SAMSN1: variants seen among roughly 807,000 people sequenced by gnomAD.
SAMSN1 encodes SAM domain-containing protein SAMSN-1.
SAMSN1 carries 31 observed loss-of-function variants against 42.0 expected under a neutral mutation model. The ratio of observed to expected loss-of-function variants is 0.74; its 90% CI spans 0.55 to 1.00. SAMSN1 has a LOEUF of 1.00. Ranked by LOEUF, SAMSN1 falls within the 50% of genes least tolerant of loss-of-function variation. The probability of loss-of-function intolerance (pLI) is 0.00; values close to 1 mark genes in which losing one functional copy is unlikely to be tolerated. For missense variants in SAMSN1, 464 were observed against 439.4 expected (o/e 1.06, Z -0.50); for synonymous variants, 178 against 151.9 (o/e 1.17, Z -1.26).
intron 2 of SAMSN1, among the ~76,000 whole-genome samples, chr21:14,621,896 C>T (rs1293806904): frequency 6.6e-6 from 1 of 152,202 alleles, no homozygotes; most frequent in Admixed American, 6.5e-5. Context: ...ACTGACACCC[C>T]ACATGGCTGG....
chr21:14,620,483 A>G (rs1255052023), intron 2 of SAMSN1, among the ~76,000 whole-genome samples: 1 of 151,690 alleles, frequency 6.6e-6, no homozygotes, highest in Non-Finnish European at 1.5e-5. Context: ...AGTCCATTAA[A>G]CCTCTTTCCT....
intron 2 of SAMSN1, among the ~76,000 whole-genome samples, chr21:14,553,971 G>A (rs1029317540): frequency 6.6e-6 from 1 of 151,968 alleles, no homozygotes; most frequent in Non-Finnish European, 1.5e-5. Context: ...ATCTGGAAAC[G>A]GATTAGTCCA....
chr21:14,515,644 A>G (rs1987881233), intron 3 of SAMSN1, among the ~76,000 whole-genome samples: 1 of 152,224 alleles, frequency 6.6e-6, no homozygotes, highest in Admixed American at 6.5e-5. Context: ...TAATTGGACT[A>G]CAATAAAATT....
At chr21:14,523,262 G>T (rs1409975255) in intron 1 of SAMSN1, 1 of 152,156 alleles carries the variant, frequency 6.6e-6, no homozygotes, top group Non-Finnish European at 1.5e-5. Context: ...GAAATAAAAA[G>T]ATCCTGACCT....
At chr21:14,649,772 AACACACACACAC>A (rs60905314) in intron 1 of SAMSN1, among the ~76,000 whole-genome samples, 14 of 135,644 alleles carry the variant, frequency 1.0e-4, no homozygotes, top group South Asian at 6.9e-4. Flanking sequence ...ACTGTCTCAA[AACACACACACAC>A]ACACACACAC....
intron 2 of SAMSN1, among the ~76,000 whole-genome samples, chr21:14,580,965 C>T (rs1981691125): frequency 6.6e-6 from 1 of 152,006 alleles, no homozygotes; most frequent in African/African-American, 2.4e-5. Flanking sequence ...AAAAAAGTAC[C>T]ACTCTTAAGT....
chr21:14,613,561 A>G (rs1053894523), intron 3 of SAMSN1, among the ~76,000 whole-genome samples: 1 of 152,130 alleles, frequency 6.6e-6, no homozygotes, highest in African/African-American at 2.4e-5. Flanking sequence ...CATTTTTTCA[A>G]ACTCAAAATT....
intron 1 of SAMSN1, chr21:14,523,512 A>C (rs889690586): frequency 6.6e-6 from 1 of 152,142 alleles, no homozygotes; most frequent in African/African-American, 2.4e-5. Context: ...AATCACTCCA[A>C]CTTGCCTAGG....
intron 1 of SAMSN1, among the ~76,000 whole-genome samples, chr21:14,652,790 C>T (rs1052822180): frequency 6.6e-5 from 10 of 151,860 alleles, no homozygotes; most frequent in African/African-American, 2.4e-4. Flanking sequence ...ATCCATCTGA[C>T]GTGGGATTAA....
At chr21:14,575,612 A>T (rs897615605) in intron 2 of SAMSN1, among the ~76,000 whole-genome samples, 1 of 152,226 alleles carries the variant, frequency 6.6e-6, no homozygotes, top group South Asian at 2.1e-4. Flanking sequence ...ATGTTAAATT[A>T]TGAGGAATTA....
chr21:14,649,746 G>T (rs980947561), intron 1 of SAMSN1, among the ~76,000 whole-genome samples: 15 of 148,052 alleles, frequency 1.0e-4, no homozygotes, highest in Admixed American at 6.8e-4. Flanking sequence ...CTCCAGGCTG[G>T]GTGACGGAGT....
chr21:14,572,227 G>C (rs78584163), intron 2 of SAMSN1, among the ~76,000 whole-genome samples: 2 of 152,164 alleles, frequency 1.3e-5, no homozygotes, highest in African/African-American at 4.8e-5. Context: ...TTAGGTGTCA[G>C]GTACAGTTAA....
intron 2 of SAMSN1, among the ~76,000 whole-genome samples, chr21:14,577,234 G>GTATATATA (rs1482765050): frequency 9.4e-5 from 2 of 21,326 alleles, no homozygotes; most frequent in African/African-American, 3.7e-4. Flanking sequence ...TTATATATAT[G>GTATATATA]TGTGTATATA....
intron 1 of SAMSN1, among the ~76,000 whole-genome samples, chr21:14,543,866 A>G (rs1021633567): frequency 6.6e-6 from 1 of 152,200 alleles, no homozygotes; most frequent in African/African-American, 2.4e-5. Flanking sequence ...TTGTAAACTA[A>G]TATCTGGTAT....
intron 1 of SAMSN1, among the ~76,000 whole-genome samples, chr21:14,528,317 T>G (rs1247714997): frequency 1.3e-5 from 2 of 152,108 alleles, no homozygotes; most frequent in Non-Finnish European, 2.9e-5. Context: ...AATACTAAAA[T>G]AAATAAATGG....
At chr21:14,654,663 C>T (rs1307786111) in intron 1 of SAMSN1, among the ~76,000 whole-genome samples, 2 of 151,936 alleles carry the variant, frequency 1.3e-5, no homozygotes, top group Non-Finnish European at 2.9e-5. Context: ...AATTTAACAA[C>T]ACGGCCAGCA....
intron 1 of SAMSN1, among the ~76,000 whole-genome samples, chr21:14,535,754 C>A (rs1220555955): frequency 1.3e-5 from 2 of 152,172 alleles, no homozygotes; most frequent in Admixed American, 1.3e-4. Context: ...GGGCAGCCAT[C>A]TACATGTCAA....
chr21:14,520,416 A>G (rs1978381155), intron 2 of SAMSN1, among the ~76,000 whole-genome samples: 1 of 152,246 alleles, frequency 6.6e-6, no homozygotes, highest in Non-Finnish European at 1.5e-5. Context: ...GTATGTGTAC[A>G]TATATGTATA....
intron 7 of SAMSN1, among the ~76,000 whole-genome samples, chr21:14,487,514 TTATAG>T (rs1156298502): frequency 6.6e-6 from 1 of 152,116 alleles, no homozygotes; most frequent in East Asian, 1.9e-4. Context: ...TCTTTAATGT[TTATAG>T]AATGGTACTA....
Sources: gnomAD v4.1 joint callset for allele counts (sites outside exome capture counted in the v4.1 genomes callset) on GRCh38, gnomAD v4.1.1 for gene constraint, MANE v1.5 for transcripts, NCBI Gene and HGNC (gene_info 2026-07-23, HGNC 2026-07-21) for gene names.